The following NRXN1 variants were observed in gnomAD, a reference collection of about 807,000 sequenced individuals.
NRXN1 encodes the protein neurexin-1.
A neutral mutation model predicts 150.9 loss-of-function variants in NRXN1; 39 were observed. That is an observed-to-expected ratio of 0.26 (90% CI 0.20 to 0.34). The LOEUF is 0.34. NRXN1 is among the 10% of genes least tolerant of loss of function. The pLI, the probability that NRXN1 is intolerant of heterozygous loss-of-function variation, is 1.00. For synonymous variants in NRXN1, 924 were observed against 757.0 expected (o/e 1.22, Z -3.62); for missense variants, 1,815 against 1,949.9 (o/e 0.93, Z 1.30).
chr2:50,711,095 C>T (rs374205591), intron 5 of NRXN1, among the ~76,000 whole-genome samples: 4 of 152,104 alleles, frequency 2.6e-5, no homozygotes, highest in East Asian at 3.9e-4. Flanking sequence ...TAAAATTAAG[C>T]TCTTGCACTC....
chr2:50,617,607 T>C (rs1476124302), intron 8 of NRXN1, among the ~76,000 whole-genome samples: 4 of 151,906 alleles, frequency 2.6e-5, no homozygotes, highest in Non-Finnish European at 5.9e-5. Flanking sequence ...GAAGACAGAG[T>C]TGGAAAGTGT....
At chr2:50,566,500 C>G (rs2105429041) in intron 8 of NRXN1, among the ~76,000 whole-genome samples, 1 of 151,634 alleles carries the variant, frequency 6.6e-6, no homozygotes, top group East Asian at 1.9e-4. Context: ...GGTGATCCGC[C>G]TGCCTCAGCC....
Position 50,217,406 on chromosome 2 carries a change from TG to T in NRXN1, c.3546+19382del, listed in dbSNP as rs148248025. On this transcript the variant is annotated intron_variant, in intron 18 of 22. Transcript: ENST00000401669. The stretch of plus-strand genomic sequence containing the variant: ...TTGTTATTGCTGTATCTGTGCCCAT[TG>T]ACAGTTGAGAAACTAAGTGATTAGA... Among the ~76,000 whole-genome samples, 1,287 of 152,104 alleles carry T rather than the reference TG, an allele frequency of 8.5e-3. 21 individuals carry two copies. The highest frequency in any genetic ancestry group is 0.03 in the African/African-American group (1,242 of 41,526).
At chr2:50,111,519 A>G (rs1429707310) in intron 18 of NRXN1, among the ~76,000 whole-genome samples, 1 of 151,984 alleles carries the variant, frequency 6.6e-6, no homozygotes, top group Non-Finnish European at 1.5e-5. Flanking sequence ...TGCACCTGTA[A>G]TTCCAGCTAC....
intron 8 of NRXN1, among the ~76,000 whole-genome samples, chr2:50,579,576 G>T (rs568203187): frequency 3.0e-4 from 45 of 152,294 alleles, no homozygotes; most frequent in Non-Finnish European, 4.3e-4. Flanking sequence ...TTAACTCTGG[G>T]AGATTGAGGC....
At chr2:50,152,141 C>A (rs2058733345) in intron 18 of NRXN1, among the ~76,000 whole-genome samples, 1 of 151,642 alleles carries the variant, frequency 6.6e-6, no homozygotes, top group Admixed American at 6.6e-5. Context: ...CACCACCATG[C>A]ATCTCAATAA....
intron 5 of NRXN1, among the ~76,000 whole-genome samples, chr2:50,737,209 A>T (rs1326353266): frequency 6.6e-6 from 1 of 152,176 alleles, no homozygotes; most frequent in Non-Finnish European, 1.5e-5. Context: ...AAAAAAGATA[A>T]ATAAAAGTTA....
intron 8 of NRXN1, among the ~76,000 whole-genome samples, chr2:50,582,109 T>C (rs1005265335): frequency 1.3e-5 from 2 of 152,306 alleles, no homozygotes; most frequent in Admixed American, 6.5e-5. Context: ...GAAGATTTGG[T>C]TGATCTTCAG....
At chr2:50,090,710 T>C (rs1221841718) in intron 19 of NRXN1, among the ~76,000 whole-genome samples, 2 of 152,188 alleles carry the variant, frequency 1.3e-5, no homozygotes, top group Non-Finnish European at 2.9e-5. Context: ...ATTTATTTTA[T>C]AGACTTAAAA....
chr2:50,871,648 T>G (rs1466065223), intron 5 of NRXN1, among the ~76,000 whole-genome samples: 1 of 151,830 alleles, frequency 6.6e-6, no homozygotes, highest in Non-Finnish European at 1.5e-5. Context: ...AAATTGACCC[T>G]TTTTTGGTGG....
intron 2 of NRXN1, among the ~76,000 whole-genome samples, chr2:50,983,128 T>C (rs1466843043): frequency 6.6e-6 from 1 of 152,118 alleles, no homozygotes; most frequent in African/African-American, 2.4e-5. Context: ...TCACAGAAGA[T>C]TTACTAATTA....
At chr2:50,912,843 A>G (rs1684719145) in intron 5 of NRXN1, 2 of 151,844 alleles carry the variant, frequency 1.3e-5, no homozygotes, top group African/African-American at 2.4e-5. Context: ...CGTTCTATAA[A>G]TAATGAGGAC....
At chr2:50,598,363 A>C (rs145441334) in intron 8 of NRXN1, among the ~76,000 whole-genome samples, 19 of 152,146 alleles carry the variant, frequency 1.2e-4, no homozygotes, top group African/African-American at 4.6e-4. Flanking sequence ...CAGCCTTGGA[A>C]AAGTTACTTA....
At chr2:50,067,096 GC>G (rs1400318982) in intron 19 of NRXN1, among the ~76,000 whole-genome samples, 2 of 152,124 alleles carry the variant, frequency 1.3e-5, no homozygotes, top group Non-Finnish European at 2.9e-5. Flanking sequence ...GAAACAGCAG[GC>G]TTTTATATCC....
intron 17 of NRXN1, among the ~76,000 whole-genome samples, chr2:50,379,668 G>A (rs1879322): frequency 0.02 from 3,110 of 152,062 alleles, 88 homozygotes; most frequent in African/African-American, 0.07. Flanking sequence ...AAGGCAATAC[G>A]TACCAAAGCA....
At chr2:50,136,032 T>C (rs1706351535) in intron 18 of NRXN1, among the ~76,000 whole-genome samples, 1 of 152,186 alleles carries the variant, frequency 6.6e-6, no homozygotes, top group South Asian at 2.1e-4. Context: ...ACTTGCCCAG[T>C]CTTCAATACA....
intron 8 of NRXN1, among the ~76,000 whole-genome samples, chr2:50,612,850 G>C (rs985775120): frequency 7.9e-5 from 12 of 152,102 alleles, no homozygotes; most frequent in Non-Finnish European, 1.6e-4. Flanking sequence ...TAACCTGCGT[G>C]CGTTATTGTG....
intron 5 of NRXN1, among the ~76,000 whole-genome samples, chr2:50,818,593 G>GA (rs1219434631): frequency 1.8e-4 from 27 of 152,024 alleles, no homozygotes; most frequent in Non-Finnish European, 3.5e-4. Flanking sequence ...AAACACAGGT[G>GA]AAAAGCTTTA....
intron 8 of NRXN1, among the ~76,000 whole-genome samples, chr2:50,611,115 G>C (rs576965738): frequency 1.5e-5 from 2 of 134,540 alleles, no homozygotes; most frequent in South Asian, 6.0e-4. Context: ...TAAGCAAATG[G>C]AGCAATTTAA....
Sources: allele counts gnomAD v4.1 joint callset (sites outside exome capture counted in the v4.1 genomes callset), GRCh38; gene constraint gnomAD v4.1.1; transcripts MANE v1.5; gene names NCBI Gene and HGNC (gene_info 2026-07-23, HGNC 2026-07-21).